GALNT2: variants seen among roughly 807,000 people sequenced by gnomAD.
GALNT2 encodes polypeptide N-acetylgalactosaminyltransferase 2.
A neutral mutation model predicts 81.4 loss-of-function variants in GALNT2; 31 were observed. The observed-to-expected ratio is 0.38, with a 90% confidence interval of 0.29 to 0.51. The LOEUF (loss-of-function observed/expected upper bound fraction) is 0.51. Among genes scored for constraint, GALNT2 ranks in the 20% least tolerant of loss-of-function variants. GALNT2 has a pLI of 0.87. For missense variants in GALNT2, 629 were observed against 765.7 expected (o/e 0.82, Z 2.11); for synonymous variants, 303 against 287.4 (o/e 1.05, Z -0.55).
At chr1:230,068,671 A>G (rs1309741523) in intron 1 of GALNT2, among the ~76,000 whole-genome samples, 1 of 152,116 alleles carries the variant, frequency 6.6e-6, no homozygotes, top group African/African-American at 2.4e-5. Context: ...TGCTTCATTC[A>G]TTCATTCATA....
rs759333895 is a variant in GALNT2 at position 230,271,499 on chromosome 1, G to A, written c.1441-2946G>A. ...TACCCAGAGTTAGCACAGACCCCAC[G>A]GGTTATGGGCTTCCTCCCACAAGAT... On this transcript the variant is annotated intron_variant, in intron 14 of 15. Coordinates refer to ENST00000366672, the MANE Select transcript of GALNT2 (RefSeq NM_004481.5). This position sits in a 1 kb window ranked among gnomAD's most constrained non-coding sequence, Gnocchi z 4.2. 1.1e-4 allele frequency among the ~76,000 whole-genome samples: 16 copies of A among 152,160 alleles called. No individual in the cohort carries two copies. Among genetic ancestry groups the A allele is most frequent in the Non-Finnish European group, 1.8e-4 (12 of 68,038 alleles).
chr1:230,238,577 C>G (rs1665102070), intron 6 of GALNT2, among the ~76,000 whole-genome samples: 1 of 152,096 alleles, frequency 6.6e-6, no homozygotes, highest in African/African-American at 2.4e-5. Context: ...AGGACCAAAA[C>G]CATGTTAATA....
In GALNT2 at chr1:230,070,581, G is replaced by A. The variant is rs987192552; in HGVS notation, c.126+3175G>A. Among the ~76,000 whole-genome samples the A allele has an allele frequency of 2.0e-5, 3 of 152,276 alleles. No homozygotes were observed. Among genetic ancestry groups the A allele is most frequent in the East Asian group, 3.9e-4 (2 of 5,180 alleles). Reference sequence around the variant, plus strand: ...AGGGACATGATCCGGAGCCCTGGGAGCCTGTCCACTTTGCACAGTAGCATC... The same window carrying A: ...AGGGACATGATCCGGAGCCCTGGGAACCTGTCCACTTTGCACAGTAGCATC... On this transcript the variant is annotated intron_variant, in intron 1 of 15. Coordinates refer to ENST00000366672, the MANE Select transcript of GALNT2 (RefSeq NM_004481.5). The surrounding 1 kb of genome is among the most constrained non-coding windows in gnomAD (Gnocchi z 4.7).
At position 230,176,045 on chromosome 1, in the gene GALNT2, C is replaced by T. The variant is rs190140131; in HGVS notation, c.127-2173C>T. Among the ~76,000 whole-genome samples the T allele has an allele frequency of 1.6e-3, 238 of 152,164 alleles. 1 individual carries two copies. Among genetic ancestry groups the T allele is most frequent in the African/African-American group, 5.5e-3 (229 of 41,506 alleles). On this transcript the variant is annotated intron_variant, in intron 1 of 15. Transcript: ENST00000366672. Reference sequence around the variant, plus strand: ...CAATGCTTGGCGCATAGTAGGTATTCGTAAATGGCAGGGCTTGTTCCATCT... The same window carrying T: ...CAATGCTTGGCGCATAGTAGGTATTTGTAAATGGCAGGGCTTGTTCCATCT...
intron 1 of GALNT2, among the ~76,000 whole-genome samples, chr1:230,088,877 C>T (rs1398041843): frequency 2.0e-5 from 3 of 152,090 alleles, no homozygotes; most frequent in South Asian, 2.1e-4. Context: ...CAAATGGAAA[C>T]CCTATGCCCA....
chr1:230,059,687 A>G (rs566844882), intron 1 of GALNT2, among the ~76,000 whole-genome samples: 1 of 152,284 alleles, frequency 6.6e-6, no homozygotes, highest in African/African-American at 2.4e-5. Flanking sequence ...TTTAAAGAAA[A>G]CGATTTCAAA....
At chr1:230,133,529 C>G (rs1024557742) in intron 1 of GALNT2, among the ~76,000 whole-genome samples, 1 of 151,614 alleles carries the variant, frequency 6.6e-6, no homozygotes, top group Non-Finnish European at 1.5e-5. Context: ...TCTCAGCTCA[C>G]TGCAACCTCC....
intron 1 of GALNT2, among the ~76,000 whole-genome samples, chr1:230,116,722 C>T (rs534407808): frequency 4.0e-4 from 61 of 152,040 alleles, no homozygotes; most frequent in African/African-American, 1.3e-3. Context: ...ATTTTTTTTC[C>T]GAGCAGTCTC....
intron 2 of GALNT2, 80 bp from the exon 3 acceptor site, chr1:230,203,057 G>GT: frequency 6.8e-7 from 1 of 1,462,490 alleles, no homozygotes; most frequent in Non-Finnish European, 9.3e-7. Flanking sequence ...GATTTCTGGA[G>GT]TTAACACTTA....
chr1:230,070,816 C>T lies in GALNT2; in HGVS notation c.126+3410C>T, dbSNP rs140254954. On this transcript the variant is annotated intron_variant, in intron 1 of 15. Transcript: ENST00000366672. The surrounding 1 kb of genome is among the most constrained non-coding windows in gnomAD (Gnocchi z 4.7). ...GGAGAAATTCAGAACTAAATTGTAACGGGCTTCAAATGCCAAGCTGAACCA... is the reference window on the plus strand; with the variant it reads ...GGAGAAATTCAGAACTAAATTGTAATGGGCTTCAAATGCCAAGCTGAACCA... Among the ~76,000 whole-genome samples the T allele has an allele frequency of 1.2e-4, 18 of 152,284 alleles. No homozygotes were observed. Among genetic ancestry groups the T allele is most frequent in the African/African-American group, 4.3e-4 (18 of 41,552 alleles).
chr1:230,235,732 T>G (rs1398885538), intron 3 of GALNT2, among the ~76,000 whole-genome samples: 1 of 152,194 alleles, frequency 6.6e-6, no homozygotes, highest in Non-Finnish European at 1.5e-5. Flanking sequence ...GGGATTTCAC[T>G]GTTTTAAAAC....
At position 230,173,867 on chromosome 1, in the gene GALNT2, G is replaced by A. The variant is rs552341962; in HGVS notation, c.127-4351G>A. ...GAAAAACTTCCACTGCAGAGTAGGC[G>A]AAGCCAGTACAATCAATCTGAGTAA... is the stretch of plus-strand genomic sequence containing the variant. On this transcript the variant is annotated intron_variant, in intron 1 of 15. Coordinates refer to ENST00000366672, the MANE Select transcript of GALNT2 (RefSeq NM_004481.5). 2.0e-3 allele frequency among the ~76,000 whole-genome samples: 300 copies of A among 152,242 alleles called. 2 individuals carry two copies. Among genetic ancestry groups the A allele is most frequent in the African/African-American group, 6.8e-3 (283 of 41,556 alleles).
chr1:230,190,024 C>T (rs1663465430), intron 2 of GALNT2, among the ~76,000 whole-genome samples: 1 of 152,152 alleles, frequency 6.6e-6, no homozygotes, highest in South Asian at 2.1e-4. Context: ...GAGGTGGAAC[C>T]GTGTGACACT....
At chr1:230,149,882 C>T (rs73109895) in intron 1 of GALNT2, among the ~76,000 whole-genome samples, 2 of 152,028 alleles carry the variant, frequency 1.3e-5, no homozygotes, top group East Asian at 1.9e-4. Flanking sequence ...GCAGATTTGC[C>T]GAATTGTTTC....
intron 1 of GALNT2, among the ~76,000 whole-genome samples, chr1:230,124,323 CA>C (rs1275422856): frequency 6.6e-6 from 1 of 152,154 alleles, no homozygotes; most frequent in African/African-American, 2.4e-5. Flanking sequence ...TGGTGTGTTG[CA>C]AAACATTGCT....
intron 1 of GALNT2, among the ~76,000 whole-genome samples, chr1:230,098,347 T>C (rs147316528): frequency 1.3e-5 from 2 of 152,190 alleles, no homozygotes; most frequent in South Asian, 2.1e-4. Flanking sequence ...CTTTTTAGAA[T>C]GCATGCATGT....
chr1:230,188,937 A>ACCAG (rs1663428610), intron 2 of GALNT2, among the ~76,000 whole-genome samples: 1 of 152,096 alleles, frequency 6.6e-6, no homozygotes, highest in African/African-American at 2.4e-5. Flanking sequence ...TCTGAATCTG[A>ACCAG]CCAGCCAGCC....
intron 3 of GALNT2, among the ~76,000 whole-genome samples, chr1:230,214,367 C>T (rs1380981731): frequency 6.6e-6 from 1 of 152,212 alleles, no homozygotes; most frequent in Non-Finnish European, 1.5e-5. Context: ...CCACCCCAGC[C>T]TCCCAAAGTG....
intron 1 of GALNT2, among the ~76,000 whole-genome samples, chr1:230,115,053 T>C (rs931153585): frequency 6.8e-6 from 1 of 146,558 alleles, no homozygotes; most frequent in Admixed American, 7.0e-5. Flanking sequence ...TCACCCAGGC[T>C]GGAGTGCAGT....
Sources: gnomAD v4.1 joint callset for allele counts (sites outside exome capture counted in the v4.1 genomes callset) on GRCh38, gnomAD v4.1.1 for gene constraint, Gnocchi (gnomAD v3.1) non-coding constraint, MANE v1.5 for transcripts, NCBI Gene and HGNC (gene_info 2026-07-23, HGNC 2026-07-21) for gene names.